Variants in JAZF1 observed in about 807,000 individuals in gnomAD.
The protein encoded by JAZF1 is juxtaposed with another zinc finger protein 1.
A neutral mutation model predicts 26.4 loss-of-function variants in JAZF1; 8 were observed. That is an observed-to-expected ratio of 0.30 (90% CI 0.18 to 0.55). The LOEUF (loss-of-function observed/expected upper bound fraction) is 0.55, where lower values mean the gene tolerates loss of function less well. Among genes scored for constraint, JAZF1 ranks in the 20% least tolerant of loss-of-function variants. The probability of loss-of-function intolerance (pLI) is 0.94; values close to 1 mark genes in which losing one functional copy is unlikely to be tolerated. For synonymous variants in JAZF1, 126 were observed against 122.3 expected (o/e 1.03, Z -0.20); for missense variants, 199 against 322.0 (o/e 0.62, Z 2.92).
chr7:28,031,893 A>C (rs142867172), intron 1 of JAZF1, among the ~76,000 whole-genome samples: 44 of 152,226 alleles, frequency 2.9e-4, no homozygotes, highest in East Asian at 5.8e-4. Context: ...TAAAACAAAG[A>C]AAAGAAAATG....
chr7:28,017,478 G>C (rs1782916113), intron 1 of JAZF1, among the ~76,000 whole-genome samples: 1 of 151,778 alleles, frequency 6.6e-6, no homozygotes, highest in East Asian at 1.9e-4. Context: ...TGTACATACT[G>C]TCGCCGTTCA....
intron 3 of JAZF1, among the ~76,000 whole-genome samples, chr7:27,867,441 C>T (rs1049477386): frequency 5.3e-5 from 8 of 152,176 alleles, no homozygotes; most frequent in African/African-American, 1.7e-4. Context: ...CACACTTCGT[C>T]CCATGGGGAA....
At chr7:28,143,539 C>T (rs181753220) in intron 1 of JAZF1, among the ~76,000 whole-genome samples, 1 of 152,312 alleles carries the variant, frequency 6.6e-6, no homozygotes. Flanking sequence ...ATTGACTATA[C>T]AGTCCCAGGT....
intron 1 of JAZF1, among the ~76,000 whole-genome samples, chr7:28,140,756 A>G (rs988651488): frequency 2.6e-5 from 4 of 152,276 alleles, no homozygotes; most frequent in Non-Finnish European, 4.4e-5. Flanking sequence ...GGTGAGAAGA[A>G]TCTATTTTTA....
chr7:28,017,138 G>A (rs753864988), intron 1 of JAZF1, among the ~76,000 whole-genome samples: 2 of 152,038 alleles, frequency 1.3e-5, no homozygotes, highest in African/African-American at 4.8e-5. Context: ...ATCACCCAAG[G>A]TCAGGAGTTC....
intron 1 of JAZF1, among the ~76,000 whole-genome samples, chr7:28,116,592 G>A (rs1784746507): frequency 6.6e-6 from 1 of 150,402 alleles, no homozygotes; most frequent in Admixed American, 6.7e-5. Context: ...ACAGGCACGT[G>A]CCACTACGCC....
At position 28,050,463 on chromosome 7, in the gene JAZF1, T is replaced by C. The variant is rs573876073; in HGVS notation, c.116-58482A>G. On this transcript the variant is annotated intron_variant, in intron 1 of 4. Transcript: ENST00000283928. Reference sequence around the variant, plus strand: ...TAGAAAACCCCTGAATTGTACACTTTAATAGGGTCTATTTTATCTTATATG... The same window carrying C: ...TAGAAAACCCCTGAATTGTACACTTCAATAGGGTCTATTTTATCTTATATG... Among the ~76,000 whole-genome samples, 9 of 152,190 alleles carry C rather than the reference T, an allele frequency of 5.9e-5. No homozygotes were observed. In the South Asian group the frequency reaches 1.9e-3, roughly 32 times the overall value.
At chr7:27,846,929 G>A (rs1392049833) in intron 3 of JAZF1, among the ~76,000 whole-genome samples, 1 of 151,892 alleles carries the variant, frequency 6.6e-6, no homozygotes, top group Non-Finnish European at 1.5e-5. Context: ...TGTTTCCTTT[G>A]CTGTGCAGAA....
intron 1 of JAZF1, among the ~76,000 whole-genome samples, chr7:28,031,465 G>A (rs908424401): frequency 1.3e-5 from 2 of 152,200 alleles, no homozygotes; most frequent in African/African-American, 4.8e-5. Context: ...GATTGCTTCT[G>A]AGACTAGGAA....
chr7:28,101,189 A>C (rs1227385666), intron 1 of JAZF1, among the ~76,000 whole-genome samples: 11 of 152,206 alleles, frequency 7.2e-5, no homozygotes. Flanking sequence ...ATCGTGCCAC[A>C]TTAATTTTGT....
At chr7:27,970,134 G>C (rs1373676713) in intron 2 of JAZF1, among the ~76,000 whole-genome samples, 14 of 152,212 alleles carry the variant, frequency 9.2e-5, no homozygotes. Context: ...TTGTAAAATA[G>C]AGAGGGTTAT....
intron 2 of JAZF1, among the ~76,000 whole-genome samples, chr7:27,943,874 T>C (rs1784886727): frequency 6.6e-6 from 1 of 152,228 alleles, no homozygotes; most frequent in African/African-American, 2.4e-5. Context: ...CACCTTATTC[T>C]GTCAAGGTAA....
intron 1 of JAZF1, chr7:28,071,651 C>G: frequency 2.1e-6 from 1 of 471,660 alleles, no homozygotes; most frequent in South Asian, 1.6e-5. Flanking sequence ...CAAGGACGGA[C>G]CTTCTATCCA....
intron 3 of JAZF1, among the ~76,000 whole-genome samples, chr7:27,861,255 G>T (rs1394597508): frequency 6.6e-6 from 1 of 151,894 alleles, no homozygotes; most frequent in African/African-American, 2.4e-5. Context: ...ACTGTGCGGG[G>T]GACTCATCCA....
At chr7:27,838,667 G>A (rs1012865918) in intron 4 of JAZF1, among the ~76,000 whole-genome samples, 5 of 152,010 alleles carry the variant, frequency 3.3e-5, no homozygotes, top group Admixed American at 6.6e-5. Context: ...AATACTAATC[G>A]CACTGGAGCA....
chr7:28,136,993 C>T (rs9918567), intron 1 of JAZF1, among the ~76,000 whole-genome samples: 5,966 of 152,288 alleles, frequency 0.039, 358 homozygotes, highest in African/African-American at 0.13. Flanking sequence ...AATGCTTATG[C>T]CGTGCCAGAC....
chr7:27,879,983 AAC>A (rs1783741750), intron 3 of JAZF1, among the ~76,000 whole-genome samples: 2 of 152,222 alleles, frequency 1.3e-5, no homozygotes, highest in Non-Finnish European at 1.5e-5. Flanking sequence ...TATAATAGAA[AAC>A]ACACAGTAAA....
intron 2 of JAZF1, among the ~76,000 whole-genome samples, chr7:27,978,124 ACAT>A (rs1785506699): frequency 6.6e-6 from 1 of 152,196 alleles, no homozygotes; most frequent in Non-Finnish European, 1.5e-5. Context: ...TCCTTGTTTC[ACAT>A]CAAAGTGTCC....
chr7:27,994,491 A>G (rs549926260), intron 1 of JAZF1, among the ~76,000 whole-genome samples: 1 of 151,898 alleles, frequency 6.6e-6, no homozygotes, highest in Non-Finnish European at 1.5e-5. Flanking sequence ...ACAAAAAACC[A>G]TTTGGAAGCA....
Sources: allele counts gnomAD v4.1 joint callset (sites outside exome capture counted in the v4.1 genomes callset), GRCh38; gene constraint gnomAD v4.1.1; transcripts MANE v1.5; gene names NCBI Gene and HGNC (gene_info 2026-07-23, HGNC 2026-07-21).